The following STMN2 variants were observed in gnomAD, a reference collection of about 807,000 sequenced individuals.
The protein encoded by STMN2 is stathmin 2.
Under a neutral mutation model 24.1 loss-of-function variants are expected in STMN2, and 2 were observed. That is an observed-to-expected ratio of 0.08 (90% CI 0.03 to 0.26). The LOEUF (loss-of-function observed/expected upper bound fraction) is 0.26. STMN2 is among the 10% of genes least tolerant of loss of function. The pLI, the probability that STMN2 is intolerant of heterozygous loss-of-function variation, is 1.00. For synonymous variants in STMN2, 83 were observed against 77.5 expected, an observed-to-expected ratio of 1.07 and a Z score of -0.37; for missense variants, 114 against 213.6, an observed-to-expected ratio of 0.53 and a Z score of 2.91.
chr8:79,627,195 G>A (rs559019320), intron 1 of STMN2, among the ~76,000 whole-genome samples: 1 of 152,232 alleles, frequency 6.6e-6, no homozygotes, highest in South Asian at 2.1e-4. Flanking sequence ...ATAAACAAGA[G>A]AAAATAGGAC....
At chr8:79,629,678 G>A (rs932344704) in intron 1 of STMN2, among the ~76,000 whole-genome samples, 3 of 152,090 alleles carry the variant, frequency 2.0e-5, no homozygotes, top group African/African-American at 7.2e-5. Flanking sequence ...GCCTGAAATA[G>A]TCATCTCCCA....
rs372395690 is a variant in STMN2, at chr8:79,655,131, G to A, written c.480+69G>A. On this transcript the variant is annotated intron_variant, in intron 4 of 4. Coordinates refer to ENST00000220876, the MANE Select transcript of STMN2 (RefSeq NM_007029.4). ...AGCACAGCTGGGTGAACTTCCATATGCCTGAGCACAGAGACGAAGTCAAAA... is the reference window on the plus strand; with the variant it reads ...AGCACAGCTGGGTGAACTTCCATATACCTGAGCACAGAGACGAAGTCAAAA... 46 of 1,551,472 alleles carry A rather than the reference G, an allele frequency of 3.0e-5. No homozygotes were observed. The East Asian group carries it at 5.7e-4, about 19-fold the overall frequency.
At chr8:79,646,579 G>A (rs1698658971) in intron 3 of STMN2, among the ~76,000 whole-genome samples, 1 of 152,100 alleles carries the variant, frequency 6.6e-6, no homozygotes, top group African/African-American at 2.4e-5. Context: ...CGGAGGCCCT[G>A]AAATAGGAAT....
chr8:79,613,329 G>A, intron 1 of STMN2: 3 of 959,968 alleles, frequency 3.1e-6, no homozygotes, highest in African/African-American at 1.8e-5. Flanking sequence ...GCGACTGGGT[G>A]TGTGGAGCGC....
chr8:79,622,331 G>A (rs1809535316), intron 1 of STMN2, among the ~76,000 whole-genome samples: 2 of 152,060 alleles, frequency 1.3e-5, no homozygotes, highest in Non-Finnish European at 2.9e-5. Flanking sequence ...CTAGATAAAT[G>A]ATGAAAATAC....
At chr8:79,651,357 A>G (rs1810330472) in intron 3 of STMN2, among the ~76,000 whole-genome samples, 1 of 152,190 alleles carries the variant, frequency 6.6e-6, no homozygotes, top group Admixed American at 6.5e-5. Context: ...CAAAAGTACT[A>G]ACCCCATTAA....
At chr8:79,627,214 G>T (rs1000135187) in intron 1 of STMN2, among the ~76,000 whole-genome samples, 3 of 152,142 alleles carry the variant, frequency 2.0e-5, no homozygotes, top group African/African-American at 7.2e-5. Flanking sequence ...ACATAAAGGG[G>T]AGCCAACGTG....
intron 1 of STMN2, among the ~76,000 whole-genome samples, chr8:79,618,558 AT>A (rs1374730281): frequency 6.6e-6 from 1 of 152,184 alleles, no homozygotes; most frequent in African/African-American, 2.4e-5. Context: ...TCATATTACC[AT>A]CAAAGCAGGC....
At chr8:79,663,810 C>T (rs1373648100) in intron 4 of STMN2, 1 of 582,280 alleles carries the variant, frequency 1.7e-6, no homozygotes. Context: ...CTAAAAAATA[C>T]TGATTTTAGT....
At position 79,664,996 on chromosome 8, in the gene STMN2, A is replaced by G; in HGVS notation, c.*122A>G. Reference sequence around the variant, plus strand: ...TTTAAAAAGAACTCATTATAAAAAAAAAAAAACAAAAAAAATCAAAAATTA... The same window carrying G: ...TTTAAAAAGAACTCATTATAAAAAAGAAAAAACAAAAAAAATCAAAAATTA... On this transcript the variant is annotated 3_prime_UTR_variant, in exon 5 of 5. Coordinates refer to ENST00000220876, the MANE Select transcript of STMN2 (RefSeq NM_007029.4). 4 of 860,852 alleles carry G rather than the reference A, an allele frequency of 4.6e-6. No individual in the cohort carries two copies. Among genetic ancestry groups the G allele is most frequent in the Non-Finnish European group, 6.3e-6 (4 of 635,126 alleles). The allele number at this position is 860,852 out of a possible 1,614,324, so 53.3% of individuals were successfully genotyped here.
At chr8:79,655,208 T>A in intron 4 of STMN2, 146 bp downstream of exon 4, 1 of 801,176 alleles carries the variant, frequency 1.2e-6, no homozygotes, top group Non-Finnish European at 1.9e-6. Flanking sequence ...TCTCACAGTG[T>A]AGCATTGAGT....
rs891267882 is a variant in STMN2 at position 79,665,663 on chromosome 8, T to C, written c.*789T>C. 6.5e-6 allele frequency: 1 copy of C among 154,382 alleles called. No homozygotes were observed. The highest frequency in any genetic ancestry group is 1.9e-4 in the East Asian group (1 of 5,206). The allele number at this position is 154,382 out of a possible 1,614,324, so 9.6% of individuals were successfully genotyped here. Reference sequence around the variant, plus strand: ...CATAAAGTGGGCTTAATTCTCTAGTTTAAGTTCTTTTGATGGAATGAATTA... The same window carrying C: ...CATAAAGTGGGCTTAATTCTCTAGTCTAAGTTCTTTTGATGGAATGAATTA... On this transcript the variant is annotated 3_prime_UTR_variant, in exon 5 of 5. Coordinates refer to ENST00000220876, the MANE Select transcript of STMN2 (RefSeq NM_007029.4).
chr8:79,650,709 G>T (rs888700593), intron 3 of STMN2, among the ~76,000 whole-genome samples: 7 of 152,040 alleles, frequency 4.6e-5, no homozygotes, highest in Admixed American at 2.0e-4. Flanking sequence ...TACCCCAATG[G>T]GGTAGCAGAG....
At chr8:79,616,041 GC>G (rs1809374823) in intron 1 of STMN2, among the ~76,000 whole-genome samples, 2 of 152,156 alleles carry the variant, frequency 1.3e-5, no homozygotes, top group African/African-American at 2.4e-5. Flanking sequence ...ATTGAAATGT[GC>G]CCCCTGTTCA....
chr8:79,612,905 G>A (rs1182425522), intron 1 of STMN2, among the ~76,000 whole-genome samples: 1 of 152,112 alleles, frequency 6.6e-6, no homozygotes, highest in Non-Finnish European at 1.5e-5. Flanking sequence ...GTCCACAACG[G>A]CCCGAGCACC....
At chr8:79,634,312 T>C (rs1223968500) in intron 1 of STMN2, among the ~76,000 whole-genome samples, 3 of 152,178 alleles carry the variant, frequency 2.0e-5, no homozygotes, top group African/African-American at 7.2e-5. Flanking sequence ...CACAATTTCA[T>C]TAACTGAATA....
chr8:79,650,764 T>C (rs1310207890), intron 3 of STMN2, among the ~76,000 whole-genome samples: 1 of 152,136 alleles, frequency 6.6e-6, no homozygotes, highest in Non-Finnish European at 1.5e-5. Context: ...TTAGCGCCCC[T>C]GAATAATTTG....
At chr8:79,661,174 G>A (rs1420414939) in intron 4 of STMN2, among the ~76,000 whole-genome samples, 1 of 152,092 alleles carries the variant, frequency 6.6e-6, no homozygotes, top group Non-Finnish European at 1.5e-5. Context: ...CCAGCAGTGG[G>A]ATTGCTGGAT....
chr8:79,641,573 C>A (rs1810095051), intron 3 of STMN2, 23 bp downstream of exon 3: 9 of 1,537,604 alleles, frequency 5.9e-6, no homozygotes, highest in African/African-American at 1.4e-5. Context: ...ATAGGTTTTC[C>A]TTCTCTCTCT....
Sources: gnomAD v4.1 joint callset for allele counts (sites outside exome capture counted in the v4.1 genomes callset) on GRCh38, gnomAD v4.1.1 for gene constraint, MANE v1.5 for transcripts, NCBI Gene and HGNC (gene_info 2026-07-23, HGNC 2026-07-21) for gene names.